SLC12A3: variants seen among roughly 807,000 people sequenced by gnomAD.
SLC12A3 encodes solute carrier family 12 member 3.
Under a neutral mutation model 121.0 loss-of-function variants are expected in SLC12A3, and 104 were observed. The ratio of observed to expected loss-of-function variants is 0.86; its 90% CI spans 0.73 to 1.01. The LOEUF is 1.01. Among genes scored for constraint, SLC12A3 ranks in the 50% least tolerant of loss-of-function variants. The pLI is 0.00. For synonymous variants in SLC12A3, 536 were observed against 533.4 expected (o/e 1.00, Z -0.07); for missense variants, 1,328 against 1,356.3 (o/e 0.98, Z 0.33).
chr16:56,908,109 CTTTT>C (rs200340853), intron 25 of SLC12A3, among the ~76,000 whole-genome samples: 11 of 129,288 alleles, frequency 8.5e-5, no homozygotes, highest in African/African-American at 3.2e-4. Context: ...CCAGTGTGTG[CTTTT>C]TTTTTTTTTA....
At chr16:56,905,941 C>A (rs1331836278) in intron 25 of SLC12A3, among the ~76,000 whole-genome samples, 1 of 152,136 alleles carries the variant, frequency 6.6e-6, no homozygotes, top group African/African-American at 2.4e-5. Context: ...TGGAGAGCAA[C>A]CACAAGTGCC....
At chr16:56,904,923 C>A (rs555464354) in intron 25 of SLC12A3, 1 of 286,744 alleles carries the variant, frequency 3.5e-6, no homozygotes, top group Non-Finnish European at 6.9e-6. Context: ...ACTGGACCCA[C>A]GTCCAGTTCT....
At chr16:56,898,412 C>T (rs1048463260) in intron 22 of SLC12A3, among the ~76,000 whole-genome samples, 2 of 152,142 alleles carry the variant, frequency 1.3e-5, no homozygotes, top group Non-Finnish European at 1.5e-5. Context: ...GCACCTGCTA[C>T]CACGGCCGGC....
In SLC12A3 at chr16:56,914,403, T is replaced by C. The variant is rs1170837373; in HGVS notation, c.*998T>C. ...AAACAAAAATGTCACAAAACAATAC[T>C]TACCCTTCCCTGGGGGACGTCCTCC... On this transcript the variant is annotated 3_prime_UTR_variant, in exon 26 of 26. Transcript: ENST00000563236. 2.6e-5 allele frequency: 4 copies of C among 152,256 alleles called. No individual in the cohort carries two copies. Among genetic ancestry groups the C allele is most frequent in the Admixed American group, 2.0e-4 (3 of 15,284 alleles). 9.4% of individuals were successfully genotyped at this position (152,256 alleles called of 1,614,324 possible).
intron 25 of SLC12A3, chr16:56,906,602 G>A (rs1297291798): frequency 5.9e-6 from 2 of 338,190 alleles, no homozygotes; most frequent in Non-Finnish European, 1.1e-5. Flanking sequence ...GGAAACAAAT[G>A]GTCGTCTATG....
intron 24 of SLC12A3, among the ~76,000 whole-genome samples, chr16:56,903,221 A>G (rs944078962): frequency 5.3e-5 from 8 of 151,190 alleles, no homozygotes; most frequent in African/African-American, 1.9e-4. Context: ...TCTAGACCCT[A>G]CCCCTGCCAC....
intron 17 of SLC12A3, 125 bp from the exon 18 acceptor site, chr16:56,887,792 ATATATATT>A (rs1259058898): frequency 5.2e-5 from 6 of 114,746 alleles, no homozygotes; most frequent in Non-Finnish European, 8.5e-5. Flanking sequence ...ATATATATAT[ATATATATT>A]TTTTTTTTTT....
In SLC12A3 at chr16:56,913,325, A is replaced by G; in HGVS notation, c.2986A>G (p.Thr996Ala). The G allele has an allele frequency of 6.2e-7, 1 of 1,613,988 alleles. No individual in the cohort carries two copies. Among genetic ancestry groups the G allele is most frequent in the Non-Finnish European group, 8.5e-7 (1 of 1,179,950 alleles). Residue 996 changes from threonine to alanine, a missense_variant, in exon 26 of 26, where the codon ACC becomes GCC. Transcript: ENST00000563236. ...PSSLYMAWLE[T>A]LSQDLRPPVI... The stretch of plus-strand genomic sequence containing the variant: ...CTCGCTGTACATGGCCTGGCTGGAG[A>G]CCCTGTCCCAGGACCTCAGACCTCC...
At chr16:56,889,905 G>A (rs2055366150) in intron 18 of SLC12A3, among the ~76,000 whole-genome samples, 3 of 152,156 alleles carry the variant, frequency 2.0e-5, no homozygotes, top group Non-Finnish European at 4.4e-5. Context: ...TGTGACCATG[G>A]GCAAGTTACT....
At chr16:56,865,991 C>CT (rs5817079) in intron 1 of SLC12A3, among the ~76,000 whole-genome samples, 31 of 140,018 alleles carry the variant, frequency 2.2e-4, no homozygotes, top group African/African-American at 3.2e-4. Flanking sequence ...CTTTTCTTTT[C>CT]TTTTTTTTTT....
rs958586891 is a variant in SLC12A3, at chr16:56,886,601, A to G, written c.2037+126A>G. 2.0e-5 allele frequency: 17 copies of G among 861,748 alleles called. No homozygotes were observed. In the East Asian group the frequency reaches 3.9e-4, roughly 20 times the overall value. The allele number at this position is 861,748 out of a possible 1,614,324, so 53.4% of individuals were successfully genotyped here. ...GGAGTTTGAGACCAGCCTGGCCAACACAGCTCCTGGGGGAGTCGCCTGGGT... is the reference window on the plus strand; with the variant it reads ...GGAGTTTGAGACCAGCCTGGCCAACGCAGCTCCTGGGGGAGTCGCCTGGGT... On this transcript the variant is annotated intron_variant, in intron 16 of 25. Coordinates refer to ENST00000563236, the MANE Select transcript of SLC12A3 (RefSeq NM_001126108.2).
intron 23 of SLC12A3, among the ~76,000 whole-genome samples, chr16:56,901,401 ACCATCTCAG>A (rs1285962322): frequency 1.6e-4 from 22 of 141,736 alleles, no homozygotes; most frequent in African/African-American, 6.1e-4. Context: ...GTACAGTGGT[ACCATCTCAG>A]CTCACTGCAA....
At chr16:56,903,494 G>A (rs2055566552) in intron 24 of SLC12A3, among the ~76,000 whole-genome samples, 1 of 152,190 alleles carries the variant, frequency 6.6e-6, no homozygotes, top group Non-Finnish European at 1.5e-5. Context: ...GGGTGGGGCT[G>A]CTACTGTCAG....
At chr16:56,886,916 G>A (rs769692414) in intron 16 of SLC12A3, 37 bp from the exon 17 acceptor site, 9 of 1,612,548 alleles carry the variant, frequency 5.6e-6, no homozygotes, top group African/African-American at 5.3e-5. Flanking sequence ...GGAGGGTGAA[G>A]GCAGCTGGTG....
At chr16:56,902,531 G>GGGGGGGGCCCCC in intron 24 of SLC12A3, 23 bp downstream of exon 24, 2 of 714,538 alleles carry the variant, frequency 2.8e-6, no homozygotes, top group Non-Finnish European at 4.8e-6. Context: ...GTGGGGGTGG[G>GGGGGGGGCCCCC]AAACGCGACA....
At chr16:56,886,252 G>A (rs1445883701) in intron 15 of SLC12A3, 112 bp from the exon 16 acceptor site, 7 of 742,056 alleles carry the variant, frequency 9.4e-6, no homozygotes, top group Non-Finnish European at 1.7e-5. Context: ...AAGCATGTAG[G>A]GTCATGCTGG....
At chr16:56,900,403 G>C (rs776249693) in intron 23 of SLC12A3, among the ~76,000 whole-genome samples, 22 of 152,132 alleles carry the variant, frequency 1.4e-4, no homozygotes, top group Non-Finnish European at 2.9e-4. Context: ...TGTCTCTGTT[G>C]GTGGAAAAGC....
At chr16:56,882,937 G>C (rs2055260552) in intron 13 of SLC12A3, among the ~76,000 whole-genome samples, 1 of 152,036 alleles carries the variant, frequency 6.6e-6, no homozygotes, top group Admixed American at 6.6e-5. Flanking sequence ...GCAAGACTCT[G>C]TCTCAAATAA....
At position 56,870,725 on chromosome 16, in the gene SLC12A3, TG is replaced by T; in HGVS notation, c.844del (p.Glu282SerfsTer20). On this transcript the variant is annotated frameshift_variant, in exon 6 of 26. Transcript: ENST00000563236. LOFTEE classifies it high-confidence loss of function. ...LLAISLAGME[W>X]ESKAQVLFFL... ...GGCCATCTCCCTGGCTGGCATGGAG[TG>T]GGAGTCCAAGGTGAGGAGGCCATGG... 6.2e-7 allele frequency: 1 copy of T among 1,610,090 alleles called. No homozygotes were observed. The highest frequency in any genetic ancestry group is 8.5e-7 in the Non-Finnish European group (1 of 1,176,606).
Sources: allele counts gnomAD v4.1 joint callset (sites outside exome capture counted in the v4.1 genomes callset), GRCh38; gene constraint gnomAD v4.1.1; transcripts MANE v1.5; gene names NCBI Gene and HGNC (gene_info 2026-07-23, HGNC 2026-07-21).